Variants in LAMB1 observed in about 807,000 individuals in gnomAD.
LAMB1 encodes the protein laminin subunit beta 1, also known as laminin subunit beta-1.
Under a neutral mutation model 222.3 loss-of-function variants are expected in LAMB1, and 121 were observed. The ratio of observed to expected loss-of-function variants is 0.54; its 90% CI spans 0.47 to 0.63. The LOEUF (loss-of-function observed/expected upper bound fraction) is 0.63. LAMB1 is among the 30% of genes least tolerant of loss of function. The pLI is 0.00. For synonymous variants in LAMB1, 794 were observed against 807.2 expected, an observed-to-expected ratio of 0.98 and a Z score of 0.28; for missense variants, 2,172 against 2,240.8, an observed-to-expected ratio of 0.97 and a Z score of 0.62.
intron 20 of LAMB1, 28 bp downstream of exon 20, chr7:107,959,221 A>T: frequency 6.4e-7 from 1 of 1,568,190 alleles, no homozygotes; most frequent in Non-Finnish European, 8.8e-7. Flanking sequence ...AGATCACTAC[A>T]TTCTCCTTAC....
intron 24 of LAMB1, among the ~76,000 whole-genome samples, chr7:107,943,175 T>TG (rs1178879305): frequency 6.6e-6 from 1 of 152,224 alleles, no homozygotes. Context: ...TATCCCATGA[T>TG]GAAAAGTTCT....
chr7:107,953,144 G>C (rs1198287159), intron 22 of LAMB1, among the ~76,000 whole-genome samples: 4 of 152,162 alleles, frequency 2.6e-5, no homozygotes, highest in Non-Finnish European at 5.9e-5. Context: ...ATCACCTGAG[G>C]TCAGGAGTTC....
intron 12 of LAMB1, among the ~76,000 whole-genome samples, chr7:107,973,899 G>T (rs1415908741): frequency 6.6e-6 from 1 of 152,142 alleles, no homozygotes; most frequent in Non-Finnish European, 1.5e-5. Flanking sequence ...ACCTGCCTCA[G>T]CCTCCCAAAG....
In LAMB1 at chr7:107,998,421, G is replaced by T. The variant is rs1299132976; in HGVS notation, c.285C>A (p.Leu95=). ...CAAATGTAGTGACCACATTTTCAAT[G>T]AGATGGCTGTCAGGATTCAGGGTCT... ...YHETLNPDSH[L]IENVVTTFAP... The change falls in exon 4 of 34, where the codon CTC becomes CTA. Residue 95 remains leucine, a synonymous_variant. Coordinates refer to ENST00000222399, the MANE Select transcript of LAMB1 (RefSeq NM_002291.3). The T allele has an allele frequency of 6.2e-7, 1 of 1,613,898 alleles. No homozygotes were observed. Among genetic ancestry groups the T allele is most frequent in the Admixed American group, 1.7e-5 (1 of 60,018 alleles).
At chr7:107,931,260 C>A in intron 29 of LAMB1, 96 bp downstream of exon 29, 38 of 1,025,520 alleles carry the variant, frequency 3.7e-5, no homozygotes, top group African/African-American at 8.1e-5. Context: ...TTGGAAATGT[C>A]ACTTAGTACC....
At position 107,999,178 on chromosome 7, in the gene LAMB1, G is replaced by A. The variant is rs1376275397; in HGVS notation, c.214-686C>T. On this transcript the variant is annotated intron_variant, in intron 3 of 33. Coordinates refer to ENST00000222399, the MANE Select transcript of LAMB1 (RefSeq NM_002291.3). Reference sequence around the variant, plus strand: ...ATGGGCATGAACTAGGATGAAGATAGACTGTAAGTTTTAGGTTAGCTTTGA... The same window carrying A: ...ATGGGCATGAACTAGGATGAAGATAAACTGTAAGTTTTAGGTTAGCTTTGA... 2.0e-5 allele frequency among the ~76,000 whole-genome samples: 3 copies of A among 152,244 alleles called. No homozygotes were observed. In the South Asian group the frequency reaches 6.2e-4, roughly 32 times the overall value.
At chr7:107,950,923 G>GGTGTGTGTGTGTGTGTGTGTGT (rs57060477) in intron 24 of LAMB1, among the ~76,000 whole-genome samples, 1 of 147,750 alleles carries the variant, frequency 6.8e-6, no homozygotes, top group African/African-American at 2.5e-5. Context: ...GTGTATTTGT[G>GGTGTGTGTGTGTGTGTGTGTGT]GTGTGTGTGT....
rs540394703 is a variant in LAMB1 at position 107,956,347 on chromosome 7, T to A, written c.2691-717A>T. ...AGTGGTTCTCAAACTTTAGCTTCAA[T>A]CACAATCACCTGAAACAGATGACTG... On this transcript the variant is annotated intron_variant, in intron 20 of 33. Transcript: ENST00000222399. 3.3e-5 allele frequency among the ~76,000 whole-genome samples: 5 copies of A among 152,362 alleles called. No homozygotes were observed. In the South Asian group the frequency reaches 1.0e-3, roughly 32 times the overall value.
At chr7:107,934,574 G>C (rs2032793984) in intron 27 of LAMB1, among the ~76,000 whole-genome samples, 1 of 152,038 alleles carries the variant, frequency 6.6e-6, no homozygotes, top group Non-Finnish European at 1.5e-5. Flanking sequence ...AAAGCTTCTG[G>C]GAAATGAATC....
intron 3 of LAMB1, among the ~76,000 whole-genome samples, chr7:108,000,413 T>C (rs1234756071): frequency 6.6e-6 from 1 of 152,184 alleles, no homozygotes; most frequent in Admixed American, 6.5e-5. Flanking sequence ...CACACAATAC[T>C]CTGTCCTCCT....
intron 20 of LAMB1, among the ~76,000 whole-genome samples, chr7:107,956,526 C>T (rs1310354504): frequency 6.6e-6 from 1 of 152,242 alleles, no homozygotes; most frequent in African/African-American, 2.4e-5. Context: ...AGCCACCTCT[C>T]CCCATGTGCA....
intron 20 of LAMB1, among the ~76,000 whole-genome samples, chr7:107,958,895 T>C (rs1345742189): frequency 1.3e-5 from 2 of 152,206 alleles, no homozygotes; most frequent in Non-Finnish European, 1.5e-5. Context: ...AGTTTCTCCT[T>C]TCGCCTAAAT....
rs571780695 is a variant in LAMB1, at chr7:107,923,860, A to G, written c.*91T>C. The G allele has an allele frequency of 1.3e-4, 146 of 1,142,808 alleles. No homozygotes were observed. The African/African-American group carries it at 1.8e-3, about 14-fold the overall frequency. 70.8% of individuals were successfully genotyped at this position (1,142,808 alleles called of 1,614,324 possible). A position where few individuals can be genotyped will look rare whatever the true frequency, so the allele number is the denominator to read the frequency against. On this transcript the variant is annotated 3_prime_UTR_variant, in exon 34 of 34. Transcript: ENST00000222399. ...CAAAATGTGATTAAAAACATTAAAT[A>G]GGTGATGTTTTATTTTGAAGAGCAT...
intron 31 of LAMB1, 62 bp from the exon 32 acceptor site, chr7:107,926,421 A>G: frequency 5.0e-6 from 7 of 1,392,388 alleles, no homozygotes; most frequent in Non-Finnish European, 7.0e-6. Flanking sequence ...CTATGAGTAC[A>G]AGTTTGGAGG....
intron 15 of LAMB1, among the ~76,000 whole-genome samples, chr7:107,962,531 T>C (rs546114980): frequency 6.6e-6 from 1 of 152,032 alleles, no homozygotes; most frequent in African/African-American, 2.4e-5. Flanking sequence ...CTGGCCAACA[T>C]GGCGAAACCC....
chr7:107,968,988 C>T (rs1486165371), intron 13 of LAMB1, among the ~76,000 whole-genome samples: 2 of 152,076 alleles, frequency 1.3e-5, no homozygotes, highest in Non-Finnish European at 2.9e-5. Context: ...AAGATTATTT[C>T]TTAAAAAAAT....
In LAMB1 at chr7:107,932,333, A is replaced by G; in HGVS notation, c.4233T>C (p.Cys1411=). 1.2e-6 allele frequency: 2 copies of G among 1,614,186 alleles called. No homozygotes were observed. The highest frequency in any genetic ancestry group is 1.7e-6 in the Non-Finnish European group (2 of 1,180,026). ...CGTCAGTTCTGCAGTTTGGCCCGCC[A>G]CATTCAGTCTCGGAACAGGAGGCCC... The part of the protein sequence containing the change: ...PPGASCSETE[C]GGPNCRTDEG... Residue 1411 remains cysteine (C), a synonymous_variant, in exon 28 of 34, where the codon TGT becomes TGC. Transcript: ENST00000222399.
intron 24 of LAMB1, among the ~76,000 whole-genome samples, chr7:107,950,212 A>G (rs1206845223): frequency 6.6e-6 from 1 of 152,114 alleles, no homozygotes; most frequent in African/African-American, 2.4e-5. Flanking sequence ...CCTAGGTGAC[A>G]GAGCGAGACT....
rs2034040360 is a variant in LAMB1, at chr7:107,984,684, T to TTATG, written c.676+1337_676+1338insCATA. On this transcript the variant is annotated intron_variant, in intron 7 of 33. Transcript: ENST00000222399. ...ACATGGATGGCCTTATAACTAGGGT[T>TTATG]GCCAGATTTAACAAGTAAATATAAA... 2.0e-5 allele frequency among the ~76,000 whole-genome samples: 3 copies of TTATG among 152,346 alleles called. No homozygotes were observed. The South Asian group carries it at 6.2e-4, about 32-fold the overall frequency.
Sources: gnomAD v4.1 joint callset for allele counts (sites outside exome capture counted in the v4.1 genomes callset) on GRCh38, gnomAD v4.1.1 for gene constraint, MANE v1.5 for transcripts, NCBI Gene and HGNC (gene_info 2026-07-23, HGNC 2026-07-21) for gene names.